Variants in TNPO3 observed in about 807,000 individuals in gnomAD.
The protein encoded by TNPO3 is transportin-3.
Under a neutral mutation model 122.8 loss-of-function variants are expected in TNPO3, and 65 were observed. The observed-to-expected ratio is 0.53, with a 90% confidence interval of 0.43 to 0.65. The LOEUF is 0.65. TNPO3 is among the 30% of genes least tolerant of loss of function. The pLI is 0.00. For missense variants in TNPO3, 850 were observed against 1,136.7 expected (o/e 0.75, Z 3.63); for synonymous variants, 372 against 411.2 (o/e 0.90, Z 1.15).
intron 1 of TNPO3, among the ~76,000 whole-genome samples, chr7:129,044,861 T>G (rs953818536): frequency 6.6e-6 from 1 of 152,206 alleles, no homozygotes; most frequent in African/African-American, 2.4e-5. Flanking sequence ...CTAGGTATAC[T>G]GTATATCTAA....
chr7:129,045,223 T>C (rs1807880581), intron 1 of TNPO3, among the ~76,000 whole-genome samples: 1 of 152,212 alleles, frequency 6.6e-6, no homozygotes, highest in Non-Finnish European at 1.5e-5. Context: ...GCACCTATTT[T>C]GTTTAGTGGG....
rs1050324809 is a variant in TNPO3 at position 129,054,853 on chromosome 7, C to T, written c.-83G>A. ...GTTGCTCCGCCTTCGCGCTTCCTCA[C>T]TGTCTGGGCCACGGCCGCTCCCTGA... is the stretch of plus-strand genomic sequence containing the variant. On this transcript the variant is annotated 5_prime_UTR_variant, in exon 1 of 23. The change creates a new upstream start codon in the 5' untranslated region. Coordinates refer to ENST00000265388, the MANE Select transcript of TNPO3 (RefSeq NM_012470.4). 1.8e-5 allele frequency: 29 copies of T among 1,587,746 alleles called. No homozygotes were observed. Among genetic ancestry groups the T allele is most frequent in the Non-Finnish European group, 2.4e-5 (28 of 1,163,576 alleles).
At chr7:128,977,309 C>T (rs1799157260) in intron 16 of TNPO3, among the ~76,000 whole-genome samples, 1 of 152,214 alleles carries the variant, frequency 6.6e-6, no homozygotes, top group Non-Finnish European at 1.5e-5. Flanking sequence ...GGCAGTCTAT[C>T]AAGTTGTAGT....
intron 1 of TNPO3, chr7:129,041,812 A>AAAG (rs1807408939): frequency 2.3e-6 from 2 of 877,920 alleles, no homozygotes; most frequent in Non-Finnish European, 2.7e-6. Context: ...AGTCTTTTCA[A>AAAG]AAGATATTTC....
chr7:129,050,340 C>T (rs1444315256), intron 1 of TNPO3, among the ~76,000 whole-genome samples: 3 of 138,106 alleles, frequency 2.2e-5, no homozygotes, highest in South Asian at 4.7e-4. Context: ...GCTGAGATGG[C>T]GCCACTGCAC....
At chr7:129,052,001 G>A (rs999795476) in intron 1 of TNPO3, among the ~76,000 whole-genome samples, 5 of 152,196 alleles carry the variant, frequency 3.3e-5, no homozygotes, top group Admixed American at 1.3e-4. Flanking sequence ...GTGACCAGGT[G>A]GCTAAAGAGA....
At chr7:129,040,531 T>A (rs899090472) in intron 1 of TNPO3, among the ~76,000 whole-genome samples, 3 of 152,138 alleles carry the variant, frequency 2.0e-5, no homozygotes, top group Non-Finnish European at 4.4e-5. Context: ...TTACTTAAAA[T>A]ATACATATAA....
chr7:129,018,083 C>A lies in TNPO3; in HGVS notation c.195G>T (p.Gln65His), dbSNP rs754862309. 2.5e-6 allele frequency: 4 copies of A among 1,614,148 alleles called. No individual in the cohort carries two copies. Among genetic ancestry groups the A allele is most frequent in the Non-Finnish European group, 3.4e-6 (4 of 1,180,028 alleles). The change falls in exon 2 of 23, where the codon CAG (glutamine) becomes CAT (histidine). Residue 65 changes from glutamine (Q) to histidine (H), a missense_variant. Transcript: ENST00000265388. ...QDVESCYFAA[Q>H]TMKMKIQTSF... ...AGGTCTGAATCTTCATTTTCATGGTCTGTGCAGCAAAATAGCATGACTCCA... is the reference window on the plus strand; with the variant it reads ...AGGTCTGAATCTTCATTTTCATGGTATGTGCAGCAAAATAGCATGACTCCA...
Position 129,000,552 on chromosome 7 carries a change from G to A in TNPO3, c.888C>T (p.Cys296=), listed in dbSNP as rs2150377557. ...TTTCACATAGTTCAGTGAAAATACG[G>A]CAGTAATTCAGAACTCTGTAGAAGA... ...REDLDKVLNY[C]RIFTELCETF... is the part of the protein sequence containing the mutation. Residue 296 remains cysteine (C), a synonymous_variant, in exon 7 of 23, where the codon TGC becomes TGT. Transcript: ENST00000265388. 1 of 1,613,710 alleles carries A rather than the reference G, an allele frequency of 6.2e-7. No individual in the cohort carries two copies. Among genetic ancestry groups the A allele is most frequent in the Non-Finnish European group, 8.5e-7 (1 of 1,179,804 alleles).
intron 21 of TNPO3, among the ~76,000 whole-genome samples, chr7:128,957,643 C>T (rs559006283): frequency 6.6e-6 from 1 of 152,336 alleles, no homozygotes; most frequent in African/African-American, 2.4e-5. Context: ...TACTTCATAA[C>T]ACTGTTTAGA....
Position 128,979,993 on chromosome 7 carries a change from G to C in TNPO3, c.1898C>G (p.Pro633Arg). 6.2e-7 allele frequency: 1 copy of C among 1,614,048 alleles called. No individual in the cohort carries two copies. Among genetic ancestry groups the C allele is most frequent in the Non-Finnish European group, 8.5e-7 (1 of 1,179,962 alleles). Residue 633 changes from proline to arginine, a missense_variant, in exon 15 of 23, where the codon CCG (proline) becomes CGG (arginine). Coordinates refer to ENST00000265388, the MANE Select transcript of TNPO3 (RefSeq NM_012470.4). ...NPIVENGQTH[P>R]CQKVIQEIWP... ...TACTTCCTGTATGACTTTCTGACAC[G>C]GATGAGTCTGTCCATTTTCCACAAT...
At chr7:129,022,036 T>C (rs1248764780) in intron 1 of TNPO3, among the ~76,000 whole-genome samples, 1 of 152,054 alleles carries the variant, frequency 6.6e-6, no homozygotes, top group African/African-American at 2.4e-5. Flanking sequence ...CAGAGATCTC[T>C]GAAGAAGAAA....
At chr7:129,017,602 A>G (rs1175002939) in intron 2 of TNPO3, among the ~76,000 whole-genome samples, 2 of 152,122 alleles carry the variant, frequency 1.3e-5, no homozygotes, top group Non-Finnish European at 2.9e-5. Flanking sequence ...TCCCTGTCCA[A>G]GGGGGAAAGG....
intron 11 of TNPO3, 34 bp from the exon 12 acceptor site, chr7:128,986,954 T>C (rs1800224482): frequency 1.3e-6 from 2 of 1,547,880 alleles, no homozygotes; most frequent in Admixed American, 4.3e-5. Flanking sequence ...ATTACATATC[T>C]GAAACTAAAG....
At chr7:129,055,782 CAG>C (rs1176372975), upstream of TNPO3, 9 of 403,566 alleles carry the variant, frequency 2.2e-5, no homozygotes, top group East Asian at 3.8e-4. Context: ...CAAAAGAAAA[CAG>C]AAATATTGGA....
At chr7:128,986,597 G>A in intron 12 of TNPO3, 132 bp downstream of exon 12, 3 of 780,930 alleles carry the variant, frequency 3.8e-6, no homozygotes, top group East Asian at 2.7e-5. Context: ...TAGTGGAAAA[G>A]CCATCTTCCT....
At chr7:128,999,127 T>A (rs1471038322) in intron 7 of TNPO3, among the ~76,000 whole-genome samples, 1 of 152,174 alleles carries the variant, frequency 6.6e-6, no homozygotes, top group Non-Finnish European at 1.5e-5. Context: ...CTGACAGGCG[T>A]GAGCCACTGC....
At chr7:128,963,686 T>C (rs1486878314) in intron 21 of TNPO3, among the ~76,000 whole-genome samples, 1 of 152,202 alleles carries the variant, frequency 6.6e-6, no homozygotes, top group Non-Finnish European at 1.5e-5. Flanking sequence ...ATAATAGCAT[T>C]CCATGGTTTG....
At chr7:129,026,544 A>T (rs1264535881) in intron 1 of TNPO3, among the ~76,000 whole-genome samples, 2 of 151,956 alleles carry the variant, frequency 1.3e-5, no homozygotes, top group East Asian at 3.9e-4. Context: ...CTGGGATTAC[A>T]GGCATGTGCC....
Sources: gnomAD v4.1 joint callset for allele counts (sites outside exome capture counted in the v4.1 genomes callset) on GRCh38, gnomAD v4.1.1 for gene constraint, MANE v1.5 for transcripts, NCBI Gene and HGNC (gene_info 2026-07-23, HGNC 2026-07-21) for gene names.